Variants in ALMS1 observed in about 807,000 individuals in gnomAD.
ALMS1 encodes centrosome-associated protein ALMS1.
ALMS1 carries 271 observed loss-of-function variants against 352.2 expected under a neutral mutation model. That is an observed-to-expected ratio of 0.77 (90% CI 0.70 to 0.85). The LOEUF (loss-of-function observed/expected upper bound fraction) is 0.85, where lower values mean the gene tolerates loss of function less well. ALMS1 is among the 40% of genes least tolerant of loss of function. The pLI is 0.00. For synonymous variants in ALMS1, 1,865 were observed against 1,761.2 expected (o/e 1.06, Z -1.48); for missense variants, 5,445 against 4,870.7 (o/e 1.12, Z -3.51).
Position 73,490,405 on chromosome 2 carries a change from G to A in ALMS1, c.8446G>A (p.Asp2816Asn), listed in dbSNP as rs1195067720. The A allele has an allele frequency of 6.2e-7, 1 of 1,614,118 alleles. No homozygotes were observed. The highest frequency in any genetic ancestry group is 8.5e-7 in the Non-Finnish European group (1 of 1,180,002). The change falls in exon 10 of 23, where the codon GAT (aspartate) becomes AAT (asparagine). Residue 2816 changes from aspartate (D) to asparagine (N), a missense_variant. Asp to Asn is a conservative substitution (Grantham distance 23). Transcript: ENST00000613296. ...FQEEKPLERS[D>N]FTGSHSEPST... is the part of the protein sequence containing the mutation. ...AGAAGAAAAACCCTTAGAAAGATCA[G>A]ATTTTACAGGCAGTCATTCTGAGCC...
chr2:73,412,367 T>G (rs531305156), intron 2 of ALMS1, among the ~76,000 whole-genome samples: 4 of 152,362 alleles, frequency 2.6e-5, no homozygotes, highest in South Asian at 2.1e-4. Context: ...TTCACTTGGC[T>G]TAGCTTTTGA....
At chr2:73,484,526 T>C (rs1672784184) in intron 9 of ALMS1, among the ~76,000 whole-genome samples, 1 of 151,602 alleles carries the variant, frequency 6.6e-6, no homozygotes, top group South Asian at 2.1e-4. Context: ...TCATTTCAAC[T>C]TTGGTGAATC....
chr2:73,464,110 T>C (rs1341824139), intron 9 of ALMS1, among the ~76,000 whole-genome samples: 3 of 152,124 alleles, frequency 2.0e-5, no homozygotes, highest in Non-Finnish European at 2.9e-5. Flanking sequence ...CCAGCATCAT[T>C]CTGATACCAA....
intron 7 of ALMS1, among the ~76,000 whole-genome samples, chr2:73,437,169 C>G (rs142473376): frequency 8.3e-4 from 126 of 152,284 alleles, no homozygotes; most frequent in South Asian, 1.5e-3. Flanking sequence ...AAGTCATTCT[C>G]CTTATGGAGA....
intron 7 of ALMS1, among the ~76,000 whole-genome samples, chr2:73,436,414 A>G (rs1671605394): frequency 6.6e-6 from 1 of 152,134 alleles, no homozygotes; most frequent in Non-Finnish European, 1.5e-5. Flanking sequence ...TATAGTTAAT[A>G]TCTTTTGTCT....
At chr2:73,583,375 CT>C (rs1249115992) in intron 16 of ALMS1, among the ~76,000 whole-genome samples, 1 of 151,916 alleles carries the variant, frequency 6.6e-6, no homozygotes, top group African/African-American at 2.4e-5. Flanking sequence ...GTTGTTGCGA[CT>C]GCTTTATATT....
chr2:73,520,970 T>C (rs1000831006), intron 11 of ALMS1, among the ~76,000 whole-genome samples: 5 of 152,158 alleles, frequency 3.3e-5, no homozygotes, highest in Non-Finnish European at 5.9e-5. Context: ...ACATCTTAAG[T>C]TTCTCTACTT....
chr2:73,453,405 C>G lies in ALMS1; in HGVS notation c.6878C>G (p.Ser2293Ter). 1 of 1,613,790 alleles carries G rather than the reference C, an allele frequency of 6.2e-7. No individual in the cohort carries two copies. Among genetic ancestry groups the G allele is most frequent in the Non-Finnish European group, 8.5e-7 (1 of 1,179,924 alleles). Residue 2293 changes from serine (S) to a stop codon, truncating the protein, a stop_gained, in exon 8 of 23, where the codon TCA becomes TGA. Transcript: ENST00000613296. LOFTEE classifies it high-confidence loss of function. Reference protein sequence around the residue: ...LARFRDISDISFIQSKKVVCF... With the variant: ...LARFRDISDI ...CGTTTCAGAGATATTAGTGATATTT[C>G]ATTTATACAATCTAAGAAGGTGGTT...
chr2:73,576,808 G>A (rs568676850), intron 16 of ALMS1, among the ~76,000 whole-genome samples: 13 of 151,956 alleles, frequency 8.6e-5, no homozygotes, highest in Non-Finnish European at 1.8e-4. Flanking sequence ...TTTTAGTAGA[G>A]ACAGGGTTTC....
At chr2:73,461,418 A>T (rs1461468975) in intron 9 of ALMS1, among the ~76,000 whole-genome samples, 2 of 152,216 alleles carry the variant, frequency 1.3e-5, no homozygotes, top group Non-Finnish European at 2.9e-5. Context: ...AGGAAAACTA[A>T]CAAACAGAAA....
rs536601037 is a variant in ALMS1 at position 73,387,199 on chromosome 2, C to T, written c.324+1007C>T. On this transcript the variant is annotated intron_variant, in intron 1 of 22. Transcript: ENST00000613296. ...TGTCTGGTGAATATTCCAGGGGGTACTTAATTCATTGAACATGTATTATTA... is the reference window on the plus strand; with the variant it reads ...TGTCTGGTGAATATTCCAGGGGGTATTTAATTCATTGAACATGTATTATTA... Among the ~76,000 whole-genome samples, 6 of 152,250 alleles carry T rather than the reference C, an allele frequency of 3.9e-5. No individual in the cohort carries two copies. The South Asian group carries it at 1.2e-3, about 32-fold the overall frequency.
chr2:73,409,895 C>T (rs1313938975), intron 2 of ALMS1, among the ~76,000 whole-genome samples: 1 of 152,166 alleles, frequency 6.6e-6, no homozygotes, highest in East Asian at 1.9e-4. Flanking sequence ...GAACCAGGAG[C>T]ACCAGTGATG....
At chr2:73,473,993 C>G (rs1013147452) in intron 9 of ALMS1, among the ~76,000 whole-genome samples, 1 of 151,886 alleles carries the variant, frequency 6.6e-6, no homozygotes, top group Non-Finnish European at 1.5e-5. Flanking sequence ...GAAAACTTCC[C>G]TAATTTGTTG....
At position 73,489,711 on chromosome 2, in the gene ALMS1, G is replaced by C. The variant is rs745947655; in HGVS notation, c.7752G>C (p.Lys2584Asn). 4 of 1,614,056 alleles carry C rather than the reference G, an allele frequency of 2.5e-6. No individual in the cohort carries two copies. The highest frequency in any genetic ancestry group is 3.4e-6 in the Non-Finnish European group (4 of 1,180,018). The change falls in exon 10 of 23, where the codon AAG becomes AAC. Residue 2584 changes from lysine (K) to asparagine (N), a missense_variant. Transcript: ENST00000613296. ...CSHIIIESHE[K>N]GCFRTLTSEH... ...ACATTATTATTGAGAGCCATGAAAA[G>C]GGATGTTTCCGGACTCTAACTTCTG...
chr2:73,483,336 T>C (rs1672755503), intron 9 of ALMS1, among the ~76,000 whole-genome samples: 1 of 151,588 alleles, frequency 6.6e-6, no homozygotes, highest in Non-Finnish European at 1.5e-5. Flanking sequence ...ATGTACCCAG[T>C]AGTCATTCAG....
intron 4 of ALMS1, 35 bp from the exon 5 acceptor site, chr2:73,424,395 T>C (rs1392036568): frequency 2.3e-6 from 3 of 1,292,570 alleles, no homozygotes; most frequent in Non-Finnish European, 3.1e-6. Flanking sequence ...TTTTTAATGT[T>C]ATTTATTTAT....
chr2:73,585,623 T>A (rs1037246934), intron 16 of ALMS1, among the ~76,000 whole-genome samples: 4 of 151,912 alleles, frequency 2.6e-5, no homozygotes, highest in African/African-American at 4.8e-5. Flanking sequence ...CTTGATCTCC[T>A]GACCTCGTGA....
intron 11 of ALMS1, among the ~76,000 whole-genome samples, chr2:73,531,006 T>C (rs1673898758): frequency 6.6e-6 from 1 of 152,252 alleles, no homozygotes; most frequent in Non-Finnish European, 1.5e-5. Context: ...TCCAGGCCTG[T>C]GATGGAAGGG....
intron 10 of ALMS1, among the ~76,000 whole-genome samples, chr2:73,507,569 T>C (rs1673354202): frequency 6.6e-6 from 1 of 152,216 alleles, no homozygotes; most frequent in Non-Finnish European, 1.5e-5. Flanking sequence ...CGTAGAGGTG[T>C]TTGCAGTATT....
Sources: allele counts gnomAD v4.1 joint callset (sites outside exome capture counted in the v4.1 genomes callset), GRCh38; gene constraint gnomAD v4.1.1; transcripts MANE v1.5; gene names NCBI Gene and HGNC (gene_info 2026-07-23, HGNC 2026-07-21).